The following FSTL4 variants were observed in gnomAD, a reference collection of about 807,000 sequenced individuals.
The protein encoded by FSTL4 is follistatin like 4.
A neutral mutation model predicts 78.2 loss-of-function variants in FSTL4; 28 were observed. That is an observed-to-expected ratio of 0.36 (90% CI 0.27 to 0.49). FSTL4 has a LOEUF of 0.49. Ranked by LOEUF, FSTL4 falls within the 20% of genes least tolerant of loss-of-function variation. The pLI is 0.98. For synonymous variants in FSTL4, 422 were observed against 440.5 expected (o/e 0.96, Z 0.53); for missense variants, 922 against 1,084.9 (o/e 0.85, Z 2.11).
the FSTL4 span, among the ~76,000 whole-genome samples, chr5:133,736,478 C>T: frequency 6.6e-6 from 1 of 152,194 alleles, no homozygotes; most frequent in Middle Eastern, 3.2e-3. Flanking sequence ...AAGCCACAAC[C>T]TTGATTCTGC....
At chr5:133,782,566 C>T in the FSTL4 span, among the ~76,000 whole-genome samples, 1 of 152,232 alleles carries the variant, frequency 6.6e-6, no homozygotes, top group East Asian at 1.9e-4. Flanking sequence ...TCCCTGTGAT[C>T]TTTCTTTCCA....
At chr5:133,831,660 C>T in the FSTL4 span, among the ~76,000 whole-genome samples, 3 of 152,138 alleles carry the variant, frequency 2.0e-5, no homozygotes, top group African/African-American at 7.2e-5. Flanking sequence ...GTTGCCAGAA[C>T]CATAAGGAAG....
chr5:133,420,768 C>T (rs530508719), intron 3 of FSTL4, among the ~76,000 whole-genome samples: 18 of 152,310 alleles, frequency 1.2e-4, no homozygotes, highest in Admixed American at 4.6e-4. Flanking sequence ...GGCTGGCCCA[C>T]GGGTGCATGG....
At chr5:133,367,037 C>T (rs1273135303) in intron 4 of FSTL4, among the ~76,000 whole-genome samples, 3 of 152,170 alleles carry the variant, frequency 2.0e-5, no homozygotes, top group African/African-American at 7.2e-5. Context: ...CAGGGTCCTC[C>T]CCTTGAAGGT....
At chr5:133,669,504 G>A in the FSTL4 span, among the ~76,000 whole-genome samples, 2 of 152,234 alleles carry the variant, frequency 1.3e-5, no homozygotes, top group African/African-American at 2.4e-5. Context: ...TGTCTTGCCA[G>A]GTTCCGGTCA....
the FSTL4 span, among the ~76,000 whole-genome samples, chr5:133,687,467 C>G: frequency 6.6e-6 from 1 of 152,082 alleles, no homozygotes; most frequent in Non-Finnish European, 1.5e-5. Flanking sequence ...AGCTCCTCAG[C>G]CCGGGTAGTG....
chr5:133,326,066 C>G (rs982292402), intron 4 of FSTL4, among the ~76,000 whole-genome samples: 1 of 152,266 alleles, frequency 6.6e-6, no homozygotes, highest in African/African-American at 2.4e-5. Context: ...TGCTAAGCTG[C>G]GCAAAGAACA....
chr5:133,812,742 C>T, the FSTL4 span, among the ~76,000 whole-genome samples: 2 of 152,234 alleles, frequency 1.3e-5, no homozygotes, highest in African/African-American at 4.8e-5. Flanking sequence ...TGTTTATTGT[C>T]TGCCTCCACT....
the FSTL4 span, among the ~76,000 whole-genome samples, chr5:133,814,962 G>C: frequency 6.6e-6 from 1 of 152,254 alleles, no homozygotes; most frequent in East Asian, 1.9e-4. Flanking sequence ...TGTTCCAGGG[G>C]CTTCTCAAAT....
intron 3 of FSTL4, among the ~76,000 whole-genome samples, chr5:133,431,940 A>G (rs1756948832): frequency 6.6e-6 from 1 of 152,200 alleles, no homozygotes; most frequent in African/African-American, 2.4e-5. Context: ...GAACCATTTT[A>G]TATAGAAGAA....
intron 4 of FSTL4, among the ~76,000 whole-genome samples, chr5:133,355,783 T>G (rs1219999471): frequency 6.6e-6 from 1 of 152,228 alleles, no homozygotes; most frequent in Non-Finnish European, 1.5e-5. Flanking sequence ...AAGGGGTTTC[T>G]AATCCTTTAT....
At chr5:133,259,041 T>G (rs1752449712) in intron 6 of FSTL4, among the ~76,000 whole-genome samples, 1 of 151,692 alleles carries the variant, frequency 6.6e-6, no homozygotes, top group South Asian at 2.1e-4. Flanking sequence ...GAGCAAGGGC[T>G]GGGGGTGGGG....
chr5:133,722,847 C>A, the FSTL4 span, among the ~76,000 whole-genome samples: 1 of 152,140 alleles, frequency 6.6e-6, no homozygotes, highest in African/African-American at 2.4e-5. Flanking sequence ...AGACTCCTTG[C>A]AACTTCTTCA....
intron 6 of FSTL4, among the ~76,000 whole-genome samples, chr5:133,298,046 A>G (rs1753445760): frequency 6.6e-6 from 1 of 152,238 alleles, no homozygotes; most frequent in Non-Finnish European, 1.5e-5. Flanking sequence ...GTAGGTAAGA[A>G]CACAGGCTTG....
At chr5:133,838,430 G>T in the FSTL4 span, among the ~76,000 whole-genome samples, 1 of 152,208 alleles carries the variant, frequency 6.6e-6, no homozygotes, top group African/African-American at 2.4e-5. Context: ...TTGGCTTGGG[G>T]CCTCCCGTGA....
At chr5:133,265,020 G>A (rs1752612263) in intron 6 of FSTL4, among the ~76,000 whole-genome samples, 1 of 152,228 alleles carries the variant, frequency 6.6e-6, no homozygotes, top group South Asian at 2.1e-4. Context: ...CCACTCCTCT[G>A]AAGCCACACT....
At chr5:133,806,816 G>A in the FSTL4 span, among the ~76,000 whole-genome samples, 7 of 152,258 alleles carry the variant, frequency 4.6e-5, no homozygotes, top group African/African-American at 7.2e-5. Flanking sequence ...AGCAGGACTC[G>A]GAGCAACCTG....
At chr5:133,631,370 T>C in the FSTL4 span, among the ~76,000 whole-genome samples, 6 of 150,966 alleles carry the variant, frequency 4.0e-5, no homozygotes, top group Non-Finnish European at 8.8e-5. Context: ...AAAGAGGACA[T>C]TTATGCGGCC....
intron 3 of FSTL4, among the ~76,000 whole-genome samples, chr5:133,442,352 A>G (rs1034836626): frequency 4.6e-5 from 7 of 152,158 alleles, no homozygotes; most frequent in African/African-American, 1.7e-4. Flanking sequence ...TGCTAATTGT[A>G]TAGTTGTGGT....
Sources: gnomAD v4.1 joint callset for allele counts (sites outside exome capture counted in the v4.1 genomes callset) on GRCh38, gnomAD v4.1.1 for gene constraint, MANE v1.5 for transcripts, NCBI Gene and HGNC (gene_info 2026-07-23, HGNC 2026-07-21) for gene names.